The following ERLEC1 variants were observed in gnomAD, a reference collection of about 807,000 sequenced individuals.
ERLEC1 encodes endoplasmic reticulum lectin 1.
A neutral mutation model predicts 68.0 loss-of-function variants in ERLEC1; 47 were observed. The observed-to-expected ratio is 0.69, with a 90% confidence interval of 0.55 to 0.88. The LOEUF is 0.88. ERLEC1 is among the 40% of genes least tolerant of loss of function. ERLEC1 has a pLI of 0.00. For missense variants in ERLEC1, 567 were observed against 583.8 expected (o/e 0.97, Z 0.30); for synonymous variants, 225 against 203.2 (o/e 1.11, Z -0.91).
intron 1 of ERLEC1, among the ~76,000 whole-genome samples, chr2:53,793,240 A>T (rs963124015): frequency 2.6e-5 from 4 of 152,220 alleles, no homozygotes; most frequent in African/African-American, 4.8e-5. Flanking sequence ...TTTTACTAAA[A>T]TAATATCTGT....
intron 4 of ERLEC1, 41 bp downstream of exon 4, chr2:53,797,633 A>T: frequency 6.3e-7 from 1 of 1,582,380 alleles, no homozygotes; most frequent in Non-Finnish European, 8.6e-7. Flanking sequence ...ACATTATAAG[A>T]TGAGAACTTT....
At chr2:53,787,647 C>T (rs1023261235) in intron 1 of ERLEC1, 4 of 362,202 alleles carry the variant, frequency 1.1e-5, no homozygotes, top group Non-Finnish European at 2.0e-5. Flanking sequence ...CATTCCCACC[C>T]TGCAGAAGCA....
chr2:53,788,807 A>C (rs1311274769), intron 1 of ERLEC1: 1 of 152,196 alleles, frequency 6.6e-6, no homozygotes, highest in African/African-American at 2.4e-5. Context: ...ATCAGATATA[A>C]CTTTAGCAGG....
rs1303146314 is a variant in ERLEC1, at chr2:53,818,035, C to G, written c.*66C>G. The G allele has an allele frequency of 3.8e-6, 4 of 1,057,158 alleles. No individual in the cohort carries two copies. Among genetic ancestry groups the G allele is most frequent in the African/African-American group, 3.1e-5 (2 of 64,130 alleles). 65.5% of individuals were successfully genotyped at this position (1,057,158 alleles called of 1,614,324 possible). A position where few individuals can be genotyped will look rare whatever the true frequency, so the allele number is the denominator to read the frequency against. ...CATGATAATTTCTGTCCCACTGTGT[C>G]TCATTATAGAGTTCTCAGCCATTGG... On this transcript the variant is annotated 3_prime_UTR_variant, in exon 14 of 14. Coordinates refer to ENST00000185150, the MANE Select transcript of ERLEC1 (RefSeq NM_015701.5).
At chr2:53,798,316 C>T (rs191357601) in intron 5 of ERLEC1, among the ~76,000 whole-genome samples, 15 of 151,812 alleles carry the variant, frequency 9.9e-5, no homozygotes, top group Admixed American at 2.6e-4. Context: ...GGCCGGAGTG[C>T]GGTGGCACAA....
In ERLEC1 at chr2:53,787,255, G is replaced by A. The variant is rs11557687; in HGVS notation, c.45G>A (p.Gly15=). Residue 15 remains glycine, a synonymous_variant, in exon 1 of 14, where the codon GGG becomes GGA. Coordinates refer to ENST00000185150, the MANE Select transcript of ERLEC1 (RefSeq NM_015701.5). ...GGGVRSLVPG[G]PVLLVLCGLL... ...GCGTACGGAGTCTGGTCCCGGGCGG[G>A]CCGGTGTTACTGGTCCTCTGCGGCC... The A allele has an allele frequency of 6.2e-7, 1 of 1,607,494 alleles. No individual in the cohort carries two copies. Among genetic ancestry groups the A allele is most frequent in the Non-Finnish European group, 8.5e-7 (1 of 1,179,790 alleles).
Position 53,808,472 on chromosome 2 carries a change from A to G in ERLEC1, c.1041+12A>G. The G allele has an allele frequency of 6.2e-7, 1 of 1,612,108 alleles. No individual in the cohort carries two copies. Among genetic ancestry groups the G allele is most frequent in the Non-Finnish European group, 8.5e-7 (1 of 1,179,744 alleles). On this transcript the variant is annotated intron_variant, in intron 9 of 13. Transcript: ENST00000185150. Reference sequence around the variant, plus strand: ...ACTGCTTTCGTGGGGTGAGAAGTAAATCTTCAGTTTAAATATTTATTTTAC... The same window carrying G: ...ACTGCTTTCGTGGGGTGAGAAGTAAGTCTTCAGTTTAAATATTTATTTTAC...
intron 13 of ERLEC1, among the ~76,000 whole-genome samples, chr2:53,817,195 G>A (rs1014881541): frequency 2.0e-5 from 3 of 150,686 alleles, no homozygotes; most frequent in Non-Finnish European, 4.4e-5. Context: ...GTGCAGTAGC[G>A]CAATCTTGGC....
intron 1 of ERLEC1, 109 bp from the exon 2 acceptor site, chr2:53,794,236 T>C (rs1433128822): frequency 9.7e-6 from 5 of 517,616 alleles, no homozygotes; most frequent in Admixed American, 8.0e-5. Flanking sequence ...AATCATCTGT[T>C]GAAATGTTAA....
chr2:53,818,238 C>T lies in ERLEC1; in HGVS notation c.*269C>T, dbSNP rs963099247. 3.8e-6 allele frequency: 1 copy of T among 262,858 alleles called. No individual in the cohort carries two copies. Among genetic ancestry groups the T allele is most frequent in the African/African-American group, 2.2e-5 (1 of 45,888 alleles). The allele number at this position is 262,858 out of a possible 1,614,324, so 16.3% of individuals were successfully genotyped here. A position where few individuals can be genotyped will look rare whatever the true frequency, so the allele number is the denominator to read the frequency against. On this transcript the variant is annotated 3_prime_UTR_variant, in exon 14 of 14. Transcript: ENST00000185150. ...TGGATACTGTGATTCCAAAATAAATCTCATCCAAGCAAGTTAGAGTCCAGC... is the reference window on the plus strand; with the variant it reads ...TGGATACTGTGATTCCAAAATAAATTTCATCCAAGCAAGTTAGAGTCCAGC...
intron 12 of ERLEC1, 41 bp from the exon 13 acceptor site, chr2:53,814,819 T>G: frequency 6.9e-7 from 1 of 1,451,812 alleles, no homozygotes; most frequent in Non-Finnish European, 9.6e-7. Context: ...GATCTTACTT[T>G]AAATGATTTG....
At chr2:53,790,072 C>T (rs1675307471) in intron 1 of ERLEC1, among the ~76,000 whole-genome samples, 1 of 151,260 alleles carries the variant, frequency 6.6e-6, no homozygotes, top group African/African-American at 2.4e-5. Context: ...CTGGCGCTGC[C>T]ATTTTTTTTA....
intron 8 of ERLEC1, among the ~76,000 whole-genome samples, chr2:53,803,078 G>T (rs1474194476): frequency 2.0e-5 from 3 of 152,166 alleles, no homozygotes; most frequent in Non-Finnish European, 4.4e-5. Context: ...CTGTGGTCTT[G>T]TATTTCATTC....
intron 10 of ERLEC1, among the ~76,000 whole-genome samples, chr2:53,812,133 C>G (rs941743472): frequency 6.6e-6 from 1 of 152,036 alleles, no homozygotes; most frequent in Non-Finnish European, 1.5e-5. Flanking sequence ...AGGCCGGTCT[C>G]GAACTCCCGA....
intron 6 of ERLEC1, 85 bp from the exon 7 acceptor site, chr2:53,801,312 C>A: frequency 1.1e-6 from 1 of 896,828 alleles, no homozygotes; most frequent in Non-Finnish European, 1.7e-6. Context: ...AGTTTTCTTC[C>A]TTTCAGAATA....
chr2:53,813,129 A>G (rs1676682222), intron 11 of ERLEC1, 56 bp downstream of exon 11: 1 of 1,564,876 alleles, frequency 6.4e-7, no homozygotes, highest in Non-Finnish European at 8.6e-7. Flanking sequence ...CTAAAACTCA[A>G]AATATTGAAA....
intron 8 of ERLEC1, among the ~76,000 whole-genome samples, chr2:53,804,066 GCT>G (rs1402016093): frequency 1.3e-5 from 2 of 152,210 alleles, no homozygotes; most frequent in Non-Finnish European, 2.9e-5. Flanking sequence ...GGGCAGCGGA[GCT>G]TGCAGTTAGC....
chr2:53,807,844 A>AAACAACAACAAC (rs113620205), intron 8 of ERLEC1, among the ~76,000 whole-genome samples: 1 of 150,514 alleles, frequency 6.6e-6, no homozygotes. Context: ...TCTGTACTGA[A>AAACAACAACAAC]AACAACAACA....
Position 53,787,136 on chromosome 2 carries a change from C to CACCTCCTCCTCCTCCTCCTCT in ERLEC1, c.-74_-54dup. The CACCTCCTCCTCCTCCTCCTCT allele has an allele frequency of 7.1e-7, 1 of 1,403,802 alleles. No homozygotes were observed. The highest frequency in any genetic ancestry group is 9.3e-7 in the Non-Finnish European group (1 of 1,073,788). 87.0% of individuals were successfully genotyped at this position (1,403,802 alleles called of 1,614,324 possible). A position where few individuals can be genotyped will look rare whatever the true frequency, so the allele number is the denominator to read the frequency against. On this transcript the variant is annotated 5_prime_UTR_variant, in exon 1 of 14. Transcript: ENST00000185150. ...TTTATAGTCCCGCCGCCTCCTCCTCCACCTCCTCCTCCTCCTCCTCTCCTC... is the reference window on the plus strand; with the variant it reads ...TTTATAGTCCCGCCGCCTCCTCCTCCACCTCCTCCTCCTCCTCCTCTACCTCCTCCTCCTCCTCCTCTCCTC...
Sources: allele counts gnomAD v4.1 joint callset (sites outside exome capture counted in the v4.1 genomes callset), GRCh38; gene constraint gnomAD v4.1.1; transcripts MANE v1.5; gene names NCBI Gene and HGNC (gene_info 2026-07-23, HGNC 2026-07-21).